The following UBR2 variants were observed in gnomAD, a reference collection of about 807,000 sequenced individuals.
UBR2 encodes E3 ubiquitin-protein ligase UBR2.
A neutral mutation model predicts 247.9 loss-of-function variants in UBR2; 92 were observed. The observed-to-expected ratio is 0.37, with a 90% confidence interval of 0.31 to 0.44. The LOEUF is 0.44. UBR2 is among the 20% of genes least tolerant of loss of function. The pLI, the probability that UBR2 is intolerant of heterozygous loss-of-function variation, is 1.00. For synonymous variants in UBR2, 672 were observed against 693.5 expected (o/e 0.97, Z 0.49); for missense variants, 1,613 against 2,112.6 (o/e 0.76, Z 4.64).
At chr6:42,573,601 TG>T in intron 1 of UBR2, 132 bp from the exon 2 acceptor site, 1 of 972,816 alleles carries the variant, frequency 1.0e-6, no homozygotes, top group Non-Finnish European at 1.4e-6. Flanking sequence ...TAACGTACGG[TG>T]GTGAGTGTTG....
intron 21 of UBR2, 70 bp from the exon 22 acceptor site, chr6:42,648,048 A>G: frequency 4.5e-6 from 6 of 1,322,198 alleles, no homozygotes; most frequent in Non-Finnish European, 6.5e-6. Flanking sequence ...GGTCAATGAG[A>G]TAAAACACAA....
intron 25 of UBR2, among the ~76,000 whole-genome samples, chr6:42,653,606 C>CTTTTT (rs72460060): frequency 4.0e-5 from 2 of 50,618 alleles, no homozygotes; most frequent in African/African-American, 1.8e-4. Flanking sequence ...ATGCTAAGCC[C>CTTTTT]TTTTTTTTTT....
intron 8 of UBR2, among the ~76,000 whole-genome samples, chr6:42,614,191 A>T (rs1369550583): frequency 0.092 from 4,289 of 46,612 alleles, 332 homozygotes; most frequent in South Asian, 0.21. Flanking sequence ...AAAAAAAAAA[A>T]AAAAAAAAAA....
In UBR2 at chr6:42,640,281, C is replaced by T; in HGVS notation, c.1920+11C>T. The stretch of plus-strand genomic sequence containing the variant: ...GAGCTCCTACCTCTAGTAAGTGGTG[C>T]TTACATTTAAAAGTGAATACTTATT... On this transcript the variant is annotated intron_variant, in intron 16 of 46. Coordinates refer to ENST00000372901, the MANE Select transcript of UBR2 (RefSeq NM_001363705.2). The T allele has an allele frequency of 6.3e-7, 1 of 1,586,732 alleles. No homozygotes were observed. The highest frequency in any genetic ancestry group is 1.2e-5 in the South Asian group (1 of 86,310).
chr6:42,603,740 T>C (rs1246205498), intron 5 of UBR2, 22 bp downstream of exon 5: 2 of 1,574,348 alleles, frequency 1.3e-6, no homozygotes, highest in African/African-American at 1.4e-5. Context: ...CTGTTTATTC[T>C]TCATGTATGA....
chr6:42,619,433 ATATATATATATATATATATAT>A (rs1173278912), intron 11 of UBR2: 9 of 19,572 alleles, frequency 4.6e-4, no homozygotes, highest in Non-Finnish European at 6.7e-4. Context: ...ATATATATAT[ATATATATATATATATATATAT>A]TTTTTTTTTT....
At chr6:42,626,118 T>G (rs1168389905) in intron 11 of UBR2, among the ~76,000 whole-genome samples, 1 of 152,206 alleles carries the variant, frequency 6.6e-6, no homozygotes, top group Non-Finnish European at 1.5e-5. Context: ...GCTGCCTTAT[T>G]TTTCCCCTTT....
chr6:42,646,573 A>G (rs896866559), intron 21 of UBR2, among the ~76,000 whole-genome samples: 3 of 152,094 alleles, frequency 2.0e-5, no homozygotes, highest in African/African-American at 7.2e-5. Flanking sequence ...CCCAGGGGAC[A>G]TCTGTGAATG....
At chr6:42,577,280 A>G (rs1562277929) in intron 2 of UBR2, among the ~76,000 whole-genome samples, 1 of 152,212 alleles carries the variant, frequency 6.6e-6, no homozygotes, top group Non-Finnish European at 1.5e-5. Context: ...ATGAGAAAGA[A>G]TGATATTAAA....
At position 42,564,244 on chromosome 6, in the gene UBR2, A is replaced by T. The variant is rs1309205778; in HGVS notation, c.-76A>T. 6.5e-7 allele frequency: 1 copy of T among 1,534,930 alleles called. No individual in the cohort carries two copies. The highest frequency in any genetic ancestry group is 2.4e-5 in the East Asian group (1 of 41,966). On this transcript the variant is annotated 5_prime_UTR_variant, in exon 1 of 47. Coordinates refer to ENST00000372901, the MANE Select transcript of UBR2 (RefSeq NM_001363705.2). ...ACTGATTGCCTGGGGCAGGGGTGGC[A>T]GTCGAGGCCGCCGGGGCCGAGGTGA...
chr6:42,626,984 T>C (rs763956755), intron 11 of UBR2, among the ~76,000 whole-genome samples: 1 of 152,162 alleles, frequency 6.6e-6, no homozygotes, highest in Non-Finnish European at 1.5e-5. Flanking sequence ...AGCCGATTTA[T>C]GAAGACGAGG....
chr6:42,671,432 A>AAGC (rs1798434575), intron 36 of UBR2, among the ~76,000 whole-genome samples: 1 of 151,752 alleles, frequency 6.6e-6, no homozygotes, highest in African/African-American at 2.4e-5. Context: ...AAAGAAGAAG[A>AAGC]AGAAGCAGAA....
chr6:42,619,451 A>ATTTTTTTTTTT (rs1310062071), intron 11 of UBR2: 1 of 22,994 alleles, frequency 4.3e-5, no homozygotes, highest in Non-Finnish European at 9.5e-5. Context: ...ATATATATAT[A>ATTTTTTTTTTT]TATTTTTTTT....
At chr6:42,684,304 C>T (rs971122504) in intron 43 of UBR2, among the ~76,000 whole-genome samples, 1 of 152,128 alleles carries the variant, frequency 6.6e-6, no homozygotes, top group Non-Finnish European at 1.5e-5. Context: ...TAGCCGAGCA[C>T]ATTGGCTCAC....
chr6:42,652,749 T>A, intron 25 of UBR2, 104 bp downstream of exon 25: 1 of 1,093,958 alleles, frequency 9.1e-7, no homozygotes, highest in Non-Finnish European at 1.3e-6. Context: ...AAATGTATTG[T>A]GTTTTCCTAA....
chr6:42,614,260 A>C (rs1165449113), intron 8 of UBR2, among the ~76,000 whole-genome samples: 1 of 145,786 alleles, frequency 6.9e-6, no homozygotes, highest in East Asian at 2.0e-4. Flanking sequence ...GCACATATAT[A>C]TACACACACA....
rs548633797 is a variant in UBR2, at chr6:42,638,702, G to A, written c.1859-1507G>A. On this transcript the variant is annotated intron_variant, in intron 15 of 46. Transcript: ENST00000372901. Reference sequence around the variant, plus strand: ...CAGAAGGCAAGAAAGTGAGGCATGCGTGTGGAAGTAGCACGCAGGCGCAGC... The same window carrying A: ...CAGAAGGCAAGAAAGTGAGGCATGCATGTGGAAGTAGCACGCAGGCGCAGC... Among the ~76,000 whole-genome samples, 137 of 152,142 alleles carry A rather than the reference G, an allele frequency of 9.0e-4. 1 individual carries two copies. Among genetic ancestry groups the A allele is most frequent in the African/African-American group, 3.0e-3 (126 of 41,490 alleles).
At chr6:42,619,412 C>CACATATATATATAT (rs1226489376) in intron 11 of UBR2, 1 of 28,426 alleles carries the variant, frequency 3.5e-5, no homozygotes, top group African/African-American at 1.2e-4. Flanking sequence ...TCGTTATGAA[C>CACATATATATATAT]ATATATATAT....
chr6:42,672,893 G>C (rs922801024), intron 36 of UBR2, among the ~76,000 whole-genome samples: 3 of 152,020 alleles, frequency 2.0e-5, no homozygotes, highest in African/African-American at 7.2e-5. Context: ...CCAAGACCTA[G>C]TGTATATAGT....
Sources: allele counts gnomAD v4.1 joint callset (sites outside exome capture counted in the v4.1 genomes callset), GRCh38; gene constraint gnomAD v4.1.1; transcripts MANE v1.5; gene names NCBI Gene and HGNC (gene_info 2026-07-23, HGNC 2026-07-21).